CCSER1: variants seen among roughly 807,000 people sequenced by gnomAD.
CCSER1 encodes coiled-coil serine rich protein 1.
Under a neutral mutation model 82.0 loss-of-function variants are expected in CCSER1, and 41 were observed. The observed-to-expected ratio is 0.50, with a 90% CI of 0.39 to 0.65. CCSER1 has a LOEUF of 0.65. Among genes scored for constraint, CCSER1 ranks in the 30% least tolerant of loss-of-function variants. The pLI is 0.00. For synonymous variants in CCSER1, 414 were observed against 383.9 expected (o/e 1.08, Z -0.92); for missense variants, 1,119 against 1,064.2 (o/e 1.05, Z -0.72).
At chr4:91,347,165 G>T (rs1046937857) in intron 10 of CCSER1, among the ~76,000 whole-genome samples, 1 of 152,068 alleles carries the variant, frequency 6.6e-6, no homozygotes, top group Non-Finnish European at 1.5e-5. Flanking sequence ...TTAATTTTGT[G>T]AAAGGTATAA....
chr4:91,288,570 A>C (rs1743500026), intron 10 of CCSER1, among the ~76,000 whole-genome samples: 1 of 152,022 alleles, frequency 6.6e-6, no homozygotes, highest in Admixed American at 6.6e-5. Flanking sequence ...AAATAATAGC[A>C]AGATTCCTGA....
chr4:90,805,049 C>T (rs1038762132), intron 7 of CCSER1, among the ~76,000 whole-genome samples: 11 of 150,370 alleles, frequency 7.3e-5, no homozygotes, highest in Non-Finnish European at 1.2e-4. Context: ...TTTTACACAA[C>T]TATAATGACA....
rs1452202670 is a variant in CCSER1 at position 91,420,954 on chromosome 4, C to T, written c.2218-177618C>T. Among the ~76,000 whole-genome samples, 3 of 152,246 alleles carry T rather than the reference C, an allele frequency of 2.0e-5. No homozygotes were observed. In the East Asian group the frequency reaches 5.8e-4, roughly 29 times the overall value. ...TTATGCTAAGTGAAATAGCCAGAGA[C>T]AGAAAAACAAATCCTGTGTGATCTC... On this transcript the variant is annotated intron_variant, in intron 10 of 10. Coordinates refer to ENST00000509176, the MANE Select transcript of CCSER1 (RefSeq NM_001145065.2).
intron 9 of CCSER1, among the ~76,000 whole-genome samples, chr4:90,931,546 A>G (rs963772896): frequency 2.0e-5 from 3 of 152,108 alleles, no homozygotes; most frequent in East Asian, 1.9e-4. Context: ...AGTGATAACA[A>G]TTTTTTCCGT....
chr4:90,274,948 C>G (rs571914048), intron 1 of CCSER1, among the ~76,000 whole-genome samples: 2 of 152,216 alleles, frequency 1.3e-5, no homozygotes, highest in Non-Finnish European at 2.9e-5. Flanking sequence ...AATTAAGACA[C>G]AGCAGAAATA....
At chr4:91,156,301 A>G (rs1230688354) in intron 10 of CCSER1, among the ~76,000 whole-genome samples, 1 of 151,830 alleles carries the variant, frequency 6.6e-6, no homozygotes, top group Non-Finnish European at 1.5e-5. Context: ...GTGGTCAACC[A>G]TTAGATGCTT....
intron 3 of CCSER1, among the ~76,000 whole-genome samples, chr4:90,360,029 TGCCTCA>T (rs1181350064): frequency 1.3e-5 from 2 of 148,664 alleles, no homozygotes; most frequent in East Asian, 4.1e-4. Context: ...AGCGATTCCC[TGCCTCA>T]GCCTCTCGAG....
chr4:90,532,508 T>C (rs572482398), intron 5 of CCSER1, among the ~76,000 whole-genome samples: 110 of 152,198 alleles, frequency 7.2e-4, no homozygotes, highest in African/African-American at 2.5e-3. Flanking sequence ...GGTGGTGTTC[T>C]AAGTCTGAGA....
chr4:91,270,215 G>A (rs1012788851), intron 10 of CCSER1, among the ~76,000 whole-genome samples: 9 of 152,002 alleles, frequency 5.9e-5, no homozygotes, highest in African/African-American at 1.9e-4. Context: ...ACACTGTTTT[G>A]CTTTTTGATG....
chr4:90,610,363 A>T (rs996297774), intron 5 of CCSER1, among the ~76,000 whole-genome samples: 3 of 152,162 alleles, frequency 2.0e-5, no homozygotes, highest in African/African-American at 7.2e-5. Flanking sequence ...TTCTGAGTCA[A>T]AAATTTTACT....
chr4:90,601,609 GT>G (rs1377701348), intron 5 of CCSER1, among the ~76,000 whole-genome samples: 2 of 146,682 alleles, frequency 1.4e-5, no homozygotes, highest in Non-Finnish European at 3.0e-5. Flanking sequence ...TGCTCTTTTT[GT>G]TTACAGGTTC....
intron 10 of CCSER1, among the ~76,000 whole-genome samples, chr4:91,302,921 T>G (rs1001730168): frequency 2.0e-5 from 3 of 152,000 alleles, no homozygotes; most frequent in Admixed American, 1.3e-4. Context: ...TTTTGACGTT[T>G]TGCCCTAACT....
intron 3 of CCSER1, among the ~76,000 whole-genome samples, chr4:90,376,210 A>T (rs546759543): frequency 1.3e-5 from 2 of 152,288 alleles, no homozygotes; most frequent in South Asian, 4.1e-4. Flanking sequence ...TACTCAGGGG[A>T]TCTTCTTGGA....
At chr4:90,483,404 A>G (rs1304881491) in intron 5 of CCSER1, among the ~76,000 whole-genome samples, 1 of 152,098 alleles carries the variant, frequency 6.6e-6, no homozygotes, top group African/African-American at 2.4e-5. Context: ...TGTGAATTTG[A>G]TCCTGTCATT....
chr4:91,186,478 T>G (rs1043105258), intron 10 of CCSER1, among the ~76,000 whole-genome samples: 6 of 152,002 alleles, frequency 3.9e-5, no homozygotes, highest in Non-Finnish European at 8.8e-5. Flanking sequence ...CGGCAATCCT[T>G]CGACCTGGAT....
intron 9 of CCSER1, among the ~76,000 whole-genome samples, chr4:90,967,543 A>G (rs1198900396): frequency 2.0e-5 from 3 of 152,112 alleles, no homozygotes; most frequent in African/African-American, 7.3e-5. Context: ...CACAACATAT[A>G]CAAAAATAAC....
At chr4:91,171,226 T>C (rs922326684) in intron 10 of CCSER1, among the ~76,000 whole-genome samples, 4 of 152,210 alleles carry the variant, frequency 2.6e-5, no homozygotes, top group African/African-American at 9.6e-5. Flanking sequence ...AAGTAGTTCC[T>C]CTTTTCCTCT....
intron 6 of CCSER1, among the ~76,000 whole-genome samples, chr4:90,714,933 T>G (rs143214073): frequency 1.1e-3 from 171 of 150,686 alleles, no homozygotes; most frequent in Admixed American, 2.8e-3. Flanking sequence ...TGAGCTAGTA[T>G]GAATGGTAGT....
intron 3 of CCSER1, among the ~76,000 whole-genome samples, chr4:90,363,382 A>G (rs2153519883): frequency 6.6e-6 from 1 of 152,256 alleles, no homozygotes; most frequent in Non-Finnish European, 1.5e-5. Context: ...CTGAAGAGAA[A>G]ATCATAGACT....
Sources: gnomAD v4.1 joint callset for allele counts (sites outside exome capture counted in the v4.1 genomes callset) on GRCh38, gnomAD v4.1.1 for gene constraint, MANE v1.5 for transcripts, NCBI Gene and HGNC (gene_info 2026-07-23, HGNC 2026-07-21) for gene names.